Variants in RPRD2 observed in about 807,000 individuals in gnomAD.
RPRD2 encodes regulation of nuclear pre-mRNA domain-containing protein 2.
In RPRD2, 12 loss-of-function variants were observed where a neutral mutation model predicts 104.4. That is an observed-to-expected ratio of 0.11 (90% confidence interval 0.07 to 0.19). The LOEUF (loss-of-function observed/expected upper bound fraction) is 0.19, where lower values mean the gene tolerates loss of function less well. Ranked by LOEUF, RPRD2 falls within the 10% of genes least tolerant of loss-of-function variation. The pLI, the probability that RPRD2 is intolerant of heterozygous loss-of-function variation, is 1.00. For synonymous variants in RPRD2, 714 were observed against 684.9 expected, an observed-to-expected ratio of 1.04 and a Z score of -0.66; for missense variants, 1,543 against 1,790.1, an observed-to-expected ratio of 0.86 and a Z score of 2.49.
chr1:150,450,991 C>T (rs1667130448), intron 7 of RPRD2, among the ~76,000 whole-genome samples: 1 of 152,066 alleles, frequency 6.6e-6, no homozygotes, highest in Admixed American at 6.6e-5. Context: ...TCATATTGGC[C>T]AGTTTTTATA....
intron 1 of RPRD2, among the ~76,000 whole-genome samples, chr1:150,411,668 A>C (rs60238535): frequency 1.9e-5 from 2 of 104,684 alleles, no homozygotes. Context: ...ATGCGCACCC[A>C]TAGTCCCAGT....
intron 1 of RPRD2, among the ~76,000 whole-genome samples, chr1:150,410,393 A>G (rs1553887392): frequency 6.6e-6 from 1 of 152,170 alleles, no homozygotes; most frequent in Non-Finnish European, 1.5e-5. Context: ...ACTAGGTAGG[A>G]GGCTACTGCA....
rs1668701450 is a variant in RPRD2, at chr1:150,473,020, A to G, written c.4072A>G (p.Asn1358Asp). ...DHGGPTQRDL[N>D]GPGLSRVRES... ...CGGGGGCCCCACCCAACGGGACCTC[A>G]ACGGCCCTGGCCTTAGCCGTGTACG... is the stretch of plus-strand genomic sequence containing the variant. The change falls in exon 11 of 11, where the codon AAC becomes GAC. Residue 1358 changes from asparagine (N) to aspartate (D), a missense_variant. By Grantham distance (23) the Asn-to-Asp change is conservative. Coordinates refer to ENST00000369068, the MANE Select transcript of RPRD2 (RefSeq NM_015203.5). The G allele has an allele frequency of 1.9e-6, 3 of 1,613,994 alleles. No individual in the cohort carries two copies. The highest frequency in any genetic ancestry group is 2.5e-6 in the Non-Finnish European group (3 of 1,179,882).
intron 1 of RPRD2, among the ~76,000 whole-genome samples, chr1:150,393,132 A>G (rs1662216376): frequency 6.6e-6 from 1 of 152,166 alleles, no homozygotes; most frequent in Non-Finnish European, 1.5e-5. Flanking sequence ...ACATACCGCT[A>G]TAGTAGCTGC....
At chr1:150,368,883 C>T (rs901741448) in intron 1 of RPRD2, among the ~76,000 whole-genome samples, 3 of 152,128 alleles carry the variant, frequency 2.0e-5, no homozygotes, top group Non-Finnish European at 2.9e-5. Context: ...GTTGGAATTA[C>T]AGGCGTGAGC....
At chr1:150,421,832 G>T (rs1388976290) in intron 2 of RPRD2, among the ~76,000 whole-genome samples, 1 of 151,946 alleles carries the variant, frequency 6.6e-6, no homozygotes, top group Non-Finnish European at 1.5e-5. Flanking sequence ...TTAAAAATTA[G>T]CCAGGTGTGG....
intron 1 of RPRD2, among the ~76,000 whole-genome samples, chr1:150,404,361 C>T (rs1212062701): frequency 1.3e-5 from 2 of 152,128 alleles, no homozygotes; most frequent in African/African-American, 4.8e-5. Flanking sequence ...ATCCTCCCAC[C>T]TCAGCCTCCC....
chr1:150,398,290 A>G (rs1553884634), intron 1 of RPRD2, among the ~76,000 whole-genome samples: 6 of 151,296 alleles, frequency 4.0e-5, no homozygotes. Flanking sequence ...TCTGCCTCCC[A>G]GGTTCACGCC....
intron 3 of RPRD2, chr1:150,441,240 T>C (rs1303670305): frequency 7.0e-6 from 3 of 431,586 alleles, no homozygotes; most frequent in African/African-American, 6.2e-5. Flanking sequence ...TGTTTTTTAG[T>C]GACTACAAAA....
chr1:150,364,330 C>T lies in RPRD2; in HGVS notation c.-385C>T, dbSNP rs781922043. Among the ~76,000 whole-genome samples, 1 of 152,040 alleles carries T rather than the reference C, an allele frequency of 6.6e-6. No homozygotes were observed. The highest frequency in any genetic ancestry group is 1.5e-5 in the Non-Finnish European group (1 of 68,010). The stretch of plus-strand genomic sequence containing the variant: ...GCTCACAGGAGTGTGGGAACAGGGG[C>T]GGGGAAGGGCCTTAGCACTGAGAGC... On this transcript the variant is annotated 5_prime_UTR_variant, in exon 1 of 11. Coordinates refer to ENST00000369068, the MANE Select transcript of RPRD2 (RefSeq NM_015203.5).
At chr1:150,405,922 A>G (rs1213374430) in intron 1 of RPRD2, among the ~76,000 whole-genome samples, 1 of 152,210 alleles carries the variant, frequency 6.6e-6, no homozygotes, top group Admixed American at 6.5e-5. Flanking sequence ...AGTTTACTTA[A>G]TAACGGTCCC....
At chr1:150,434,956 G>A (rs1665897502) in intron 2 of RPRD2, among the ~76,000 whole-genome samples, 1 of 152,160 alleles carries the variant, frequency 6.6e-6, no homozygotes, top group African/African-American at 2.4e-5. Context: ...ATTGTGCATT[G>A]CAGGTAATGT....
intron 1 of RPRD2, among the ~76,000 whole-genome samples, chr1:150,409,699 A>G (rs1390457690): frequency 6.9e-6 from 1 of 144,034 alleles, no homozygotes; most frequent in Non-Finnish European, 1.5e-5. Context: ...CCCAGGCTGA[A>G]GTGCAGTGGC....
intron 7 of RPRD2, among the ~76,000 whole-genome samples, chr1:150,450,255 T>G (rs1173450958): frequency 2.6e-5 from 4 of 152,148 alleles, no homozygotes; most frequent in Non-Finnish European, 5.9e-5. Context: ...CCAAAATGTT[T>G]TAGTGTGTAT....
At chr1:150,423,158 G>T (rs1042433871) in intron 2 of RPRD2, among the ~76,000 whole-genome samples, 1 of 152,166 alleles carries the variant, frequency 6.6e-6, no homozygotes, top group Non-Finnish European at 1.5e-5. Flanking sequence ...AGAAATGCCA[G>T]TTTATCTGAA....
Position 150,364,821 on chromosome 1 carries a change from A to G in RPRD2, c.107A>G (p.Asn36Ser), listed in dbSNP as rs781890824. The change falls in exon 1 of 11, where the codon AAC becomes AGC. Residue 36 changes from asparagine to serine, a missense_variant. Asn to Ser is a conservative substitution (Grantham distance 46, BLOSUM62 1). Transcript: ENST00000369068. Reference protein sequence around the residue: ...SLDRKFQSVTNTMESIQGLSS... With the variant: ...SLDRKFQSVTSTMESIQGLSS... ...GATCGAAAATTCCAGTCGGTAACCA[A>G]CACCATGGAGTCCATTCAAGGCTTG... 1 of 1,613,932 alleles carries G rather than the reference A, an allele frequency of 6.2e-7. No homozygotes were observed. Among genetic ancestry groups the G allele is most frequent in the Non-Finnish European group, 8.5e-7 (1 of 1,179,842 alleles).
chr1:150,381,027 G>GC (rs782295886), intron 1 of RPRD2, among the ~76,000 whole-genome samples: 1 of 151,972 alleles, frequency 6.6e-6, no homozygotes, highest in African/African-American at 2.4e-5. Flanking sequence ...GAGACACATG[G>GC]CCCCCCTCAC....
intron 1 of RPRD2, among the ~76,000 whole-genome samples, chr1:150,400,245 A>C (rs1358854570): frequency 6.6e-6 from 1 of 152,198 alleles, no homozygotes; most frequent in Non-Finnish European, 1.5e-5. Context: ...CTTACTTATT[A>C]GTTCAAGTAC....
At chr1:150,368,699 G>A (rs1239646430) in intron 1 of RPRD2, among the ~76,000 whole-genome samples, 1 of 151,946 alleles carries the variant, frequency 6.6e-6, no homozygotes, top group East Asian at 1.9e-4. Flanking sequence ...CTGGACCTCA[G>A]GTGATCCACC....
Sources: allele counts gnomAD v4.1 joint callset (sites outside exome capture counted in the v4.1 genomes callset), GRCh38; gene constraint gnomAD v4.1.1; transcripts MANE v1.5; gene names NCBI Gene and HGNC (gene_info 2026-07-23, HGNC 2026-07-21).